XRN1: variants seen among roughly 807,000 people sequenced by gnomAD.
XRN1 encodes the protein 5'-3' exoribonuclease 1, also known as strand-exchange protein 1 homolog.
Under a neutral mutation model 222.3 loss-of-function variants are expected in XRN1, and 67 were observed. That is an observed-to-expected ratio of 0.30 (90% CI 0.25 to 0.37). XRN1 has a LOEUF of 0.37. XRN1 is among the 10% of genes least tolerant of loss of function. The pLI is 1.00. For missense variants in XRN1, 1,707 were observed against 2,000.2 expected, an observed-to-expected ratio of 0.85 and a Z score of 2.80; for synonymous variants, 643 against 652.4, an observed-to-expected ratio of 0.99 and a Z score of 0.22.
chr3:142,431,994 TTGTA>T lies in XRN1; in HGVS notation c.308+663_308+666del, dbSNP rs1178862327. Among the ~76,000 whole-genome samples, 45 of 95,704 alleles carry T rather than the reference TTGTA, an allele frequency of 4.7e-4. 1 individual carries two copies. Among genetic ancestry groups the T allele is most frequent in the African/African-American group, 1.2e-3 (23 of 19,364 alleles). The allele number at this position is 95,704 out of a possible 152,430, so 62.8% of individuals were successfully genotyped here. ...TATATTGTATATATTATATAATATA[TTGTA>T]TATATATAAATATATATTTTTTTAA... is the stretch of plus-strand genomic sequence containing the variant. On this transcript the variant is annotated intron_variant, in intron 2 of 40. Coordinates refer to ENST00000392981, the MANE Select transcript of XRN1 (RefSeq NM_001282857.2).
intron 10 of XRN1, 51 bp from the exon 11 acceptor site, chr3:142,418,932 G>T: frequency 6.5e-7 from 1 of 1,547,172 alleles, no homozygotes; most frequent in South Asian, 1.1e-5. Flanking sequence ...ATTTCAAAAT[G>T]AGATGTCATT....
At chr3:142,390,907 C>T (rs1559842513) in intron 20 of XRN1, among the ~76,000 whole-genome samples, 1 of 152,230 alleles carries the variant, frequency 6.6e-6, no homozygotes, top group Admixed American at 6.5e-5. Flanking sequence ...TTCAATATTG[C>T]TATGTCTCAT....
At chr3:142,394,446 G>A (rs1003556291) in intron 20 of XRN1, among the ~76,000 whole-genome samples, 1 of 152,156 alleles carries the variant, frequency 6.6e-6, no homozygotes, top group Non-Finnish European at 1.5e-5. Flanking sequence ...TAAACTGATA[G>A]TCTTCTATTT....
intron 13 of XRN1, 119 bp from the exon 14 acceptor site, chr3:142,414,410 G>T (rs1479084240): frequency 4.0e-6 from 3 of 744,222 alleles, no homozygotes; most frequent in East Asian, 3.3e-5. Flanking sequence ...AATTAGTACT[G>T]CCCATAATTC....
At chr3:142,360,039 G>A in intron 29 of XRN1, 108 bp from the exon 30 acceptor site, 1 of 614,014 alleles carries the variant, frequency 1.6e-6, no homozygotes, top group Non-Finnish European at 2.6e-6. Context: ...TTCTAGATAT[G>A]ATATAAAATA....
At chr3:142,334,461 AAGATTTG>A (rs957102895) in intron 34 of XRN1, among the ~76,000 whole-genome samples, 4 of 151,962 alleles carry the variant, frequency 2.6e-5, no homozygotes, top group African/African-American at 4.8e-5. Flanking sequence ...TTTTAGATCA[AAGATTTG>A]TTATTCTTTC....
At chr3:142,391,747 A>ATATAT (rs758631390) in intron 20 of XRN1, among the ~76,000 whole-genome samples, 72 of 108,372 alleles carry the variant, frequency 6.6e-4, no homozygotes, top group African/African-American at 2.2e-3. Flanking sequence ...AAAAAAAAAA[A>ATATAT]AAATATATAT....
intron 37 of XRN1, among the ~76,000 whole-genome samples, chr3:142,319,907 T>TAC (rs113013809): frequency 0.019 from 2,833 of 148,880 alleles, 41 homozygotes; most frequent in African/African-American, 0.048. Flanking sequence ...GGTGTGTGTA[T>TAC]ACACACACAC....
At chr3:142,401,573 C>T (rs1360265139) in intron 18 of XRN1, among the ~76,000 whole-genome samples, 1 of 151,916 alleles carries the variant, frequency 6.6e-6, no homozygotes, top group Non-Finnish European at 1.5e-5. Context: ...AAAAAATTGG[C>T]CAAGCGTGGT....
At chr3:142,348,819 T>A (rs2066224259) in intron 32 of XRN1, among the ~76,000 whole-genome samples, 1 of 152,212 alleles carries the variant, frequency 6.6e-6, no homozygotes, top group Non-Finnish European at 1.5e-5. Flanking sequence ...TTATTTTTTT[T>A]GTAGAGACAG....
At position 142,328,287 on chromosome 3, in the gene XRN1, C is replaced by T. The variant is rs1231913137; in HGVS notation, c.4404+1147G>A. 4.6e-5 allele frequency among the ~76,000 whole-genome samples: 7 copies of T among 152,228 alleles called. No homozygotes were observed. The South Asian group carries it at 6.2e-4, about 14-fold the overall frequency. ...CAGGGATTTATTGCTATAATCTTCCCTCCTAGTACTACTTTTGCCGTATCC... is the reference window on the plus strand; with the variant it reads ...CAGGGATTTATTGCTATAATCTTCCTTCCTAGTACTACTTTTGCCGTATCC... On this transcript the variant is annotated intron_variant, in intron 37 of 40. Coordinates refer to ENST00000392981, the MANE Select transcript of XRN1 (RefSeq NM_001282857.2).
At chr3:142,420,957 G>A in intron 10 of XRN1, 59 bp downstream of exon 10, 4 of 1,596,496 alleles carry the variant, frequency 2.5e-6, no homozygotes, top group Non-Finnish European at 3.4e-6. Flanking sequence ...GAGAAACAAA[G>A]AATATAATTT....
intron 23 of XRN1, 148 bp downstream of exon 23, chr3:142,379,934 T>C: frequency 7.8e-6 from 5 of 642,130 alleles, no homozygotes; most frequent in Non-Finnish European, 1.3e-5. Flanking sequence ...TCCACACTTA[T>C]TTTTAAATAC....
chr3:142,339,687 C>T (rs1287760044), intron 33 of XRN1, among the ~76,000 whole-genome samples: 1 of 152,102 alleles, frequency 6.6e-6, no homozygotes, highest in Non-Finnish European at 1.5e-5. Context: ...CCTGTAATCC[C>T]AGCACTTTGG....
chr3:142,402,744 T>A lies in XRN1; in HGVS notation c.2103+930A>T, dbSNP rs564358139. 1.1e-4 allele frequency among the ~76,000 whole-genome samples: 16 copies of A among 152,226 alleles called. No individual in the cohort carries two copies. The South Asian group carries it at 3.1e-3, about 30-fold the overall frequency. On this transcript the variant is annotated intron_variant, in intron 18 of 40. Coordinates refer to ENST00000392981, the MANE Select transcript of XRN1 (RefSeq NM_001282857.2). ...AATTCCATCATTATTTATCATTTCA[T>A]CCCCCTAAACTATCAACTCCCCTGT...
chr3:142,341,761 A>G (rs2066000801), intron 33 of XRN1, among the ~76,000 whole-genome samples: 1 of 152,176 alleles, frequency 6.6e-6, no homozygotes, highest in Non-Finnish European at 1.5e-5. Context: ...AAAATGGAGC[A>G]GGGGTTAGCT....
At chr3:142,324,074 G>GT (rs1008783623) in intron 37 of XRN1, among the ~76,000 whole-genome samples, 16 of 147,048 alleles carry the variant, frequency 1.1e-4, no homozygotes, top group Middle Eastern at 3.5e-3. Context: ...ATATTATTGG[G>GT]TTTTTTTTCA....
chr3:142,325,452 A>C (rs910433073), intron 37 of XRN1, among the ~76,000 whole-genome samples: 12 of 152,234 alleles, frequency 7.9e-5, no homozygotes, highest in African/African-American at 2.6e-4. Context: ...TTTGTTTGAC[A>C]CATGGGGGTA....
At chr3:142,361,360 A>T (rs1265356623) in intron 29 of XRN1, among the ~76,000 whole-genome samples, 3 of 151,600 alleles carry the variant, frequency 2.0e-5, no homozygotes, top group Admixed American at 2.0e-4. Context: ...TTCATGAACA[A>T]GGCTTTATGT....
Sources: gnomAD v4.1 joint callset for allele counts (sites outside exome capture counted in the v4.1 genomes callset) on GRCh38, gnomAD v4.1.1 for gene constraint, MANE v1.5 for transcripts, NCBI Gene and HGNC (gene_info 2026-07-23, HGNC 2026-07-21) for gene names.